Variants in PCNX1 observed in about 807,000 individuals in gnomAD.
The protein encoded by PCNX1 is pecanex 1.
A neutral mutation model predicts 242.2 loss-of-function variants in PCNX1; 78 were observed. The observed-to-expected ratio is 0.32, with a 90% CI of 0.27 to 0.39. The LOEUF is 0.39. Among genes scored for constraint, PCNX1 ranks in the 10% least tolerant of loss-of-function variants. The pLI is 1.00. For synonymous variants in PCNX1, 1,024 were observed against 1,032.9 expected, an observed-to-expected ratio of 0.99 and a Z score of 0.17; for missense variants, 2,581 against 2,856.5, an observed-to-expected ratio of 0.90 and a Z score of 2.20.
In PCNX1 at chr14:70,907,560, C is replaced by T. The variant is rs1293609830; in HGVS notation, c.-291C>T. ...GGTGGCGGGGGCCGGGCCGCGGCTCCGGGTGTTAGGAGACAAGATGGCGGC... is the reference window on the plus strand; with the variant it reads ...GGTGGCGGGGGCCGGGCCGCGGCTCTGGGTGTTAGGAGACAAGATGGCGGC... On this transcript the variant is annotated 5_prime_UTR_variant, in exon 1 of 36. Transcript: ENST00000304743. 5.9e-6 allele frequency: 1 copy of T among 168,494 alleles called. No individual in the cohort carries two copies. Among genetic ancestry groups the T allele is most frequent in the South Asian group, 1.8e-4 (1 of 5,550 alleles). The allele number at this position is 168,494 out of a possible 1,614,324, so 10.4% of individuals were successfully genotyped here.
At chr14:70,948,989 ATC>A (rs60825770) in intron 2 of PCNX1, among the ~76,000 whole-genome samples, 4,698 of 148,428 alleles carry the variant, frequency 0.032, 215 homozygotes, top group African/African-American at 0.11. Flanking sequence ...ATGCTTATAA[ATC>A]TCAGCATTTT....
chr14:71,027,144 T>C (rs889156402), intron 15 of PCNX1: 1 of 307,204 alleles, frequency 3.3e-6, no homozygotes, highest in African/African-American at 2.2e-5. Flanking sequence ...AACTAAAAGT[T>C]CTAGTGAATT....
chr14:70,989,357 CTAAG>C (rs1170533627), intron 7 of PCNX1, among the ~76,000 whole-genome samples: 2 of 151,372 alleles, frequency 1.3e-5, no homozygotes, highest in African/African-American at 2.4e-5. Flanking sequence ...TCCAGTAGTC[CTAAG>C]TAAGAAAGCA....
intron 31 of PCNX1, among the ~76,000 whole-genome samples, 196 bp from the exon 32 acceptor site, chr14:71,103,199 T>C (rs1037508143): frequency 2.6e-5 from 4 of 151,960 alleles, no homozygotes; most frequent in Non-Finnish European, 4.4e-5. Flanking sequence ...GTGTAGATAC[T>C]TATTATTTAG....
chr14:70,908,709 G>A (rs2055690004), intron 1 of PCNX1, among the ~76,000 whole-genome samples: 1 of 152,262 alleles, frequency 6.6e-6, no homozygotes. Context: ...CCTCCCTGGG[G>A]GGAGGGAGCG....
At position 71,028,727 on chromosome 14, in the gene PCNX1, A is replaced by G; in HGVS notation, c.3494A>G (p.Tyr1165Cys). 6.2e-7 allele frequency: 1 copy of G among 1,607,832 alleles called. No homozygotes were observed. Among genetic ancestry groups the G allele is most frequent in the Non-Finnish European group, 8.5e-7 (1 of 1,176,984 alleles). The change falls in exon 16 of 36, where the codon TAC (tyrosine) becomes TGC (cysteine). Residue 1165 changes from tyrosine (Y) to cysteine (C), a missense_variant. Physicochemically the swap from Tyr to Cys is radical, Grantham distance 194. Coordinates refer to ENST00000304743, the MANE Select transcript of PCNX1 (RefSeq NM_014982.3). ...NATTSLLAALYSFICSIVAVA... is the reference protein window; with the variant it reads ...NATTSLLAALCSFICSIVAVA... ...ACTACAAGCCTGCTTGCAGCACTTT[A>G]CAGTTTTATCTGTAGCATTGTTGCA...
intron 16 of PCNX1, 66 bp downstream of exon 16, chr14:71,028,857 A>C: frequency 1.1e-6 from 1 of 895,428 alleles, no homozygotes; most frequent in Non-Finnish European, 1.7e-6. Flanking sequence ...TTGTTTTAAA[A>C]TCAACTAATA....
intron 31 of PCNX1, 108 bp downstream of exon 31, chr14:71,102,328 C>T (rs2062485847): frequency 4.3e-6 from 3 of 701,778 alleles, no homozygotes; most frequent in Middle Eastern, 3.3e-4. Context: ...GGCTGGAATA[C>T]AGTGGCATGA....
At chr14:71,077,376 C>G (rs1029367103) in intron 28 of PCNX1, among the ~76,000 whole-genome samples, 1 of 152,162 alleles carries the variant, frequency 6.6e-6, no homozygotes, top group East Asian at 1.9e-4. Flanking sequence ...ACAGATGTAC[C>G]TGCTATCATG....
chr14:71,026,901 A>G lies in PCNX1; in HGVS notation c.3466+19A>G, dbSNP rs540148587. The G allele has an allele frequency of 3.9e-6, 4 of 1,023,444 alleles. No homozygotes were observed. In the African/African-American group the frequency reaches 6.3e-5, roughly 16 times the overall value. The allele number at this position is 1,023,444 out of a possible 1,614,324, so 63.4% of individuals were successfully genotyped here. A position where few individuals can be genotyped will look rare whatever the true frequency, so the allele number is the denominator to read the frequency against. ...GGTAATGGTGAGTACTTCTTTATAA[A>G]AATTATAGATTACAGTATTACCTTT... On this transcript the variant is annotated intron_variant, in intron 15 of 35. Transcript: ENST00000304743.
intron 1 of PCNX1, among the ~76,000 whole-genome samples, chr14:70,940,683 G>A (rs1001279539): frequency 6.6e-6 from 1 of 152,150 alleles, no homozygotes; most frequent in African/African-American, 2.4e-5. Context: ...TGCTTTGCTA[G>A]GTTGGGGAAG....
chr14:71,064,234 C>T (rs774981236), intron 26 of PCNX1, among the ~76,000 whole-genome samples: 1 of 152,012 alleles, frequency 6.6e-6, no homozygotes, highest in Non-Finnish European at 1.5e-5. Flanking sequence ...CCTAGTAATA[C>T]ATTTTGCTCA....
intron 3 of PCNX1, 81 bp from the exon 4 acceptor site, chr14:70,968,117 T>G (rs1304622824): frequency 1.1e-6 from 1 of 928,318 alleles, no homozygotes; most frequent in East Asian, 2.4e-5. Context: ...ATAATTTTGT[T>G]TGATAATCTT....
chr14:71,081,445 A>G (rs1010150475), intron 28 of PCNX1, among the ~76,000 whole-genome samples: 13 of 152,200 alleles, frequency 8.5e-5, no homozygotes, highest in Non-Finnish European at 1.9e-4. Context: ...AAGGAATGGT[A>G]CCAGCTCTTC....
chr14:70,912,081 A>G (rs975263524), intron 1 of PCNX1, among the ~76,000 whole-genome samples: 5 of 151,990 alleles, frequency 3.3e-5, no homozygotes, highest in Non-Finnish European at 7.4e-5. Flanking sequence ...TAAAAAAACA[A>G]AAAATTAGCC....
chr14:70,913,245 A>G (rs970477982), intron 1 of PCNX1, among the ~76,000 whole-genome samples: 3 of 152,130 alleles, frequency 2.0e-5, no homozygotes, highest in Non-Finnish European at 4.4e-5. Flanking sequence ...TTTATTATAC[A>G]TGTGAAGCTT....
Position 71,114,009 on chromosome 14 carries a change from T to G in PCNX1, c.*4074T>G, listed in dbSNP as rs1468619438. 1 of 152,202 alleles carries G rather than the reference T, an allele frequency of 6.6e-6. No homozygotes were observed. Among genetic ancestry groups the G allele is most frequent in the Non-Finnish European group, 1.5e-5 (1 of 68,030 alleles). The allele number at this position is 152,202 out of a possible 1,614,324, so 9.4% of individuals were successfully genotyped here. A position where few individuals can be genotyped will look rare whatever the true frequency, so the allele number is the denominator to read the frequency against. On this transcript the variant is annotated 3_prime_UTR_variant, in exon 36 of 36. Coordinates refer to ENST00000304743, the MANE Select transcript of PCNX1 (RefSeq NM_014982.3). ...GTTTAGATAAGGTATAAAGTGTCCC[T>G]TTTTATTCTAGAGGCTTTTCCTTTA... is the stretch of plus-strand genomic sequence containing the variant.
chr14:71,081,304 C>A lies in PCNX1; in HGVS notation c.5337+4885C>A, dbSNP rs2141542224. On this transcript the variant is annotated intron_variant, in intron 28 of 35. Coordinates refer to ENST00000304743, the MANE Select transcript of PCNX1 (RefSeq NM_014982.3). ...TATTGAGGATTTTCTCATTGATGTT[C>A]ATCATGTATATTGGCCTGAAATTTT... is the stretch of plus-strand genomic sequence containing the variant. Among the ~76,000 whole-genome samples, 3 of 152,248 alleles carry A rather than the reference C, an allele frequency of 2.0e-5. No homozygotes were observed. The South Asian group carries it at 6.2e-4, about 32-fold the overall frequency.
chr14:71,020,704 T>C (rs1462407395), intron 12 of PCNX1, among the ~76,000 whole-genome samples: 1 of 152,244 alleles, frequency 6.6e-6, no homozygotes, highest in Non-Finnish European at 1.5e-5. Flanking sequence ...TCTCCCATTC[T>C]GTAGGTTGCC....
Sources: gnomAD v4.1 joint callset for allele counts (sites outside exome capture counted in the v4.1 genomes callset) on GRCh38, gnomAD v4.1.1 for gene constraint, MANE v1.5 for transcripts, NCBI Gene and HGNC (gene_info 2026-07-23, HGNC 2026-07-21) for gene names.